KSR2: variants seen among roughly 807,000 people sequenced by gnomAD.
The protein encoded by KSR2 is kinase suppressor of ras 2.
In KSR2, 25 loss-of-function variants were observed where a neutral mutation model predicts 107.8. That is an observed-to-expected ratio of 0.23 (90% CI 0.17 to 0.32). KSR2 has a LOEUF of 0.32. Among genes scored for constraint, KSR2 ranks in the 10% least tolerant of loss-of-function variants. KSR2 has a pLI of 1.00. For synonymous variants in KSR2, 480 were observed against 507.0 expected, an observed-to-expected ratio of 0.95 and a Z score of 0.71; for missense variants, 887 against 1,268.9, an observed-to-expected ratio of 0.70 and a Z score of 4.57.
At chr12:117,910,283 A>G (rs1894974629) in intron 1 of KSR2, among the ~76,000 whole-genome samples, 1 of 152,158 alleles carries the variant, frequency 6.6e-6, no homozygotes, top group Admixed American at 6.5e-5. Context: ...GTTTATTGCC[A>G]TTAGATCCTT....
At position 117,841,962 on chromosome 12, in the gene KSR2, A is replaced by G. The variant is rs78562635; in HGVS notation, c.472+13466T>C. Among the ~76,000 whole-genome samples, 858 of 152,336 alleles carry G rather than the reference A, an allele frequency of 5.6e-3. 35 individuals carry two copies. In the East Asian group the frequency reaches 0.1, roughly 18 times the overall value. On this transcript the variant is annotated intron_variant, in intron 3 of 19. Transcript: ENST00000339824. ...CTGTTATCATCAACCACTAGCATTC[A>G]CTCAGTCACTCCGTGACTACTTCTT...
chr12:117,608,064 T>C (rs1213549183), intron 5 of KSR2, among the ~76,000 whole-genome samples: 1 of 152,192 alleles, frequency 6.6e-6, no homozygotes, highest in African/African-American at 2.4e-5. Flanking sequence ...TACCAAACTG[T>C]GGAGAGAAGG....
intron 4 of KSR2, among the ~76,000 whole-genome samples, chr12:117,691,843 T>C (rs1885827617): frequency 6.6e-6 from 1 of 152,234 alleles, no homozygotes; most frequent in Non-Finnish European, 1.5e-5. Context: ...CACTGGGTAC[T>C]GGGATAAACA....
intron 16 of KSR2, among the ~76,000 whole-genome samples, chr12:117,477,049 G>A (rs10161304): frequency 0.21 from 32,658 of 152,036 alleles, 4,241 homozygotes; most frequent in Non-Finnish European, 0.3. Flanking sequence ...TAGACTATGG[G>A]GCTCAGAAGT....
At chr12:117,661,721 G>A (rs756449861) in intron 5 of KSR2, among the ~76,000 whole-genome samples, 1 of 152,184 alleles carries the variant, frequency 6.6e-6, no homozygotes, top group Non-Finnish European at 1.5e-5. Context: ...GCAAGAATGT[G>A]CATTTCTAAC....
intron 3 of KSR2, among the ~76,000 whole-genome samples, chr12:117,817,684 C>T (rs918387247): frequency 6.6e-6 from 1 of 152,208 alleles, no homozygotes; most frequent in South Asian, 2.1e-4. Flanking sequence ...TGTGTGCCAA[C>T]ATTGATTAAA....
intron 3 of KSR2, among the ~76,000 whole-genome samples, chr12:117,840,607 G>A (rs1302514541): frequency 6.6e-6 from 1 of 151,860 alleles, no homozygotes; most frequent in African/African-American, 2.4e-5. Context: ...TTTTGGCCAG[G>A]TTGGACTCAA....
chr12:117,761,422 C>A lies in KSR2; in HGVS notation c.575G>T (p.Arg192Leu), dbSNP rs766252967. 5 of 1,611,654 alleles carry A rather than the reference C, an allele frequency of 3.1e-6. No homozygotes were observed. Among genetic ancestry groups the A allele is most frequent in the Non-Finnish European group, 4.2e-6 (5 of 1,179,232 alleles). ...VCPPEPTPWI[R>L]THLSQSPRVP... Reference sequence around the variant, plus strand: ...CCTGGGGCTCTGGGAGAGATGGGTGCGGATCCACGGGGTGGGCTCCGGGGG... The same window carrying A: ...CCTGGGGCTCTGGGAGAGATGGGTGAGGATCCACGGGGTGGGCTCCGGGGG... The change falls in exon 4 of 20, where the codon CGC (arginine) becomes CTC (leucine). Residue 192 changes from arginine (R) to leucine (L), a missense_variant. Physicochemically the swap from Arg to Leu is moderately radical, Grantham distance 102. This residue lies in a region of KSR2 where 399 missense variants were observed against 479.5 expected (regional missense o/e 0.83). Coordinates refer to ENST00000339824, the MANE Select transcript of KSR2 (RefSeq NM_173598.6).
intron 3 of KSR2, among the ~76,000 whole-genome samples, chr12:117,831,268 AACAGCTTTGAG>A: frequency 6.6e-6 from 1 of 152,270 alleles, no homozygotes; most frequent in East Asian, 1.9e-4. Context: ...CTATCTCTCC[AACAGCTTTGAG>A]CAATTTCTTT....
chr12:117,793,625 GCA>G (rs377139146), intron 3 of KSR2, among the ~76,000 whole-genome samples: 2,154 of 136,174 alleles, frequency 0.016, 64 homozygotes, highest in African/African-American at 0.056. Flanking sequence ...ACACCAACAT[GCA>G]CACTTATCCC....
chr12:117,662,643 G>C (rs1463258055), intron 5 of KSR2, among the ~76,000 whole-genome samples: 1 of 152,146 alleles, frequency 6.6e-6, no homozygotes, highest in Non-Finnish European at 1.5e-5. Flanking sequence ...AGGCCTTGTG[G>C]GTAACTCCAG....
intron 5 of KSR2, among the ~76,000 whole-genome samples, chr12:117,593,701 C>T (rs142276092): frequency 2.0e-5 from 3 of 152,210 alleles, no homozygotes; most frequent in African/African-American, 7.2e-5. Context: ...ACCTGAGGAT[C>T]AGACACTGGG....
chr12:117,833,273 A>C (rs1338031706), intron 3 of KSR2, among the ~76,000 whole-genome samples: 5 of 152,224 alleles, frequency 3.3e-5, no homozygotes. Context: ...TGTCTAGCAC[A>C]CTGTAAACGT....
chr12:117,554,687 C>A (rs1877536094), intron 9 of KSR2, among the ~76,000 whole-genome samples: 1 of 152,178 alleles, frequency 6.6e-6, no homozygotes, highest in South Asian at 2.1e-4. Flanking sequence ...TGTCTGCCAC[C>A]ATATAAGATG....
At chr12:117,740,141 C>T (rs11068667) in intron 4 of KSR2, among the ~76,000 whole-genome samples, 61,041 of 149,084 alleles carry the variant, frequency 0.41, 12,571 homozygotes, top group East Asian at 0.51. Flanking sequence ...TTTGCATCCT[C>T]ATACCTTAGT....
At chr12:117,730,989 C>G (rs1887651173) in intron 4 of KSR2, among the ~76,000 whole-genome samples, 1 of 151,384 alleles carries the variant, frequency 6.6e-6, no homozygotes, top group South Asian at 2.1e-4. Context: ...ATGTGAGGAG[C>G]CCCTCTGCCC....
At chr12:117,927,585 C>T (rs368838518) in intron 1 of KSR2, among the ~76,000 whole-genome samples, 2 of 151,516 alleles carry the variant, frequency 1.3e-5, no homozygotes, top group African/African-American at 2.4e-5. Context: ...CCCATTTACT[C>T]GGGAGAGTGA....
At chr12:117,904,065 TA>T (rs575812445) in intron 1 of KSR2, among the ~76,000 whole-genome samples, 15 of 148,558 alleles carry the variant, frequency 1.0e-4, no homozygotes, top group African/African-American at 4.9e-5. Context: ...ATCTTGTCTC[TA>T]AAAAAAAAAT....
intron 3 of KSR2, among the ~76,000 whole-genome samples, chr12:117,832,535 C>T (rs1892016164): frequency 6.6e-6 from 1 of 152,210 alleles, no homozygotes; most frequent in Admixed American, 6.5e-5. Flanking sequence ...TCCTCAATGC[C>T]ACCATCTAAG....
Sources: allele counts gnomAD v4.1 joint callset (sites outside exome capture counted in the v4.1 genomes callset), GRCh38; gene constraint gnomAD v4.1.1; regional missense constraint gnomAD v4.1.1; transcripts MANE v1.5; gene names NCBI Gene and HGNC (gene_info 2026-07-23, HGNC 2026-07-21).